PTPRD: variants seen among roughly 807,000 people sequenced by gnomAD.
PTPRD encodes the protein receptor-type tyrosine-protein phosphatase delta.
Under a neutral mutation model 214.5 loss-of-function variants are expected in PTPRD, and 34 were observed. The observed-to-expected ratio is 0.16, with a 90% CI of 0.12 to 0.21. The LOEUF is 0.21. Among genes scored for constraint, PTPRD ranks in the 10% least tolerant of loss-of-function variants. PTPRD has a pLI of 1.00. For synonymous variants in PTPRD, 1,128 were observed against 845.7 expected, an observed-to-expected ratio of 1.33 and a Z score of -5.79; for missense variants, 2,545 against 2,398.7, an observed-to-expected ratio of 1.06 and a Z score of -1.27.
intron 14 of PTPRD, among the ~76,000 whole-genome samples, chr9:8,560,347 C>T (rs2085678931): frequency 6.6e-6 from 1 of 151,066 alleles, no homozygotes; most frequent in Non-Finnish European, 1.5e-5. Context: ...GATAACAAGG[C>T]CAAATGCAAA....
At chr9:9,362,201 A>C (rs186458334) in intron 9 of PTPRD, among the ~76,000 whole-genome samples, 1 of 151,254 alleles carries the variant, frequency 6.6e-6, no homozygotes, top group African/African-American at 2.4e-5. Flanking sequence ...AAGTAAGTAT[A>C]TATTATACAT....
intron 3 of PTPRD, among the ~76,000 whole-genome samples, chr9:10,198,573 A>T (rs904110671): frequency 6.6e-6 from 1 of 152,168 alleles, no homozygotes; most frequent in South Asian, 2.1e-4. Flanking sequence ...AGCAGGATCC[A>T]TTACAGGACT....
At chr9:9,062,586 A>G (rs1326535179) in intron 10 of PTPRD, among the ~76,000 whole-genome samples, 1 of 151,352 alleles carries the variant, frequency 6.6e-6, no homozygotes, top group Non-Finnish European at 1.5e-5. Context: ...CTATCTACCT[A>G]CCTACCATCT....
chr9:10,575,807 C>T (rs7039250), intron 2 of PTPRD, among the ~76,000 whole-genome samples: 2 of 152,062 alleles, frequency 1.3e-5, no homozygotes, highest in Admixed American at 6.6e-5. Flanking sequence ...TCTCCCCAAC[C>T]CTTTCTCTCC....
At chr9:10,324,127 T>C (rs2096602760) in intron 3 of PTPRD, among the ~76,000 whole-genome samples, 1 of 152,050 alleles carries the variant, frequency 6.6e-6, no homozygotes, top group Non-Finnish European at 1.5e-5. Flanking sequence ...TCTCCTGTAA[T>C]TATAAAGTAT....
intron 4 of PTPRD, among the ~76,000 whole-genome samples, chr9:10,024,396 G>C (rs1213767212): frequency 3.3e-5 from 5 of 152,016 alleles, no homozygotes; most frequent in Non-Finnish European, 7.4e-5. Context: ...TGAGAAAATG[G>C]AACCCCTTAT....
chr9:10,490,340 C>G (rs961643388), intron 2 of PTPRD, among the ~76,000 whole-genome samples: 1 of 151,592 alleles, frequency 6.6e-6, no homozygotes, highest in African/African-American at 2.4e-5. Context: ...ATATATTTAC[C>G]AACAATAAGA....
At chr9:8,438,020 C>T (rs2095418911) in intron 34 of PTPRD, among the ~76,000 whole-genome samples, 1 of 152,144 alleles carries the variant, frequency 6.6e-6, no homozygotes. Flanking sequence ...CCTGAACTAG[C>T]ATGTCCCCAG....
intron 9 of PTPRD, among the ~76,000 whole-genome samples, chr9:9,301,485 T>C (rs1007312552): frequency 6.8e-6 from 1 of 146,298 alleles, no homozygotes; most frequent in Non-Finnish European, 1.5e-5. Flanking sequence ...GGGGATACAT[T>C]TCGTTACCTT....
At chr9:10,503,864 C>A (rs1451910475) in intron 2 of PTPRD, among the ~76,000 whole-genome samples, 1 of 151,692 alleles carries the variant, frequency 6.6e-6, no homozygotes, top group Non-Finnish European at 1.5e-5. Context: ...CACCTGTAAT[C>A]CCAGCACTTT....
At chr9:9,003,394 G>A (rs772676996) in intron 11 of PTPRD, among the ~76,000 whole-genome samples, 17 of 151,918 alleles carry the variant, frequency 1.1e-4, no homozygotes, top group Non-Finnish European at 2.1e-4. Context: ...CCCTCTGCTG[G>A]CCCCAACTAT....
Position 8,376,726 on chromosome 9 carries a change from C to T in PTPRD, c.4387G>A (p.Val1463Met), listed in dbSNP as rs1196357775. 6.2e-7 allele frequency: 1 copy of T among 1,612,724 alleles called. No individual in the cohort carries two copies. Among genetic ancestry groups the T allele is most frequent in the Non-Finnish European group, 8.5e-7 (1 of 1,179,134 alleles). ...MMTKLEERSR[V>M]KCDQYWPSRG... Reference sequence around the variant, plus strand: ...CTAGGCCAATACTGGTCACACTTCACCTACAAGAAACAAGTGACACATTCA... The same window carrying T: ...CTAGGCCAATACTGGTCACACTTCATCTACAAGAAACAAGTGACACATTCA... Residue 1463 changes from valine (V) to methionine (M), a missense_variant and splice_region_variant, in exon 38 of 46, where the codon GTG (valine) becomes ATG (methionine). Coordinates refer to ENST00000381196, the MANE Select transcript of PTPRD (RefSeq NM_002839.4).
intron 3 of PTPRD, among the ~76,000 whole-genome samples, chr9:10,040,317 T>G (rs1203531040): frequency 2.0e-5 from 3 of 152,048 alleles, no homozygotes. Context: ...TTTGAATAAA[T>G]GGATAGCCAT....
chr9:10,559,856 G>A (rs1023956302), intron 2 of PTPRD, among the ~76,000 whole-genome samples: 14 of 152,064 alleles, frequency 9.2e-5, no homozygotes, highest in Non-Finnish European at 1.8e-4. Flanking sequence ...AAACCACAAT[G>A]AGATATCATC....
chr9:8,414,704 C>CA (rs1276119339), intron 35 of PTPRD, among the ~76,000 whole-genome samples: 1 of 151,902 alleles, frequency 6.6e-6, no homozygotes, highest in African/African-American at 2.4e-5. Flanking sequence ...TTCTCACTCT[C>CA]AAAGTATCCC....
At chr9:8,644,604 G>T (rs1057411078) in intron 12 of PTPRD, among the ~76,000 whole-genome samples, 9 of 152,206 alleles carry the variant, frequency 5.9e-5, no homozygotes, top group African/African-American at 1.9e-4. Flanking sequence ...ACTCTTTGGG[G>T]CCTAGTGGTT....
At chr9:8,733,617 A>C (rs2098685165) in intron 12 of PTPRD, among the ~76,000 whole-genome samples, 163 bp downstream of exon 12, 1 of 152,208 alleles carries the variant, frequency 6.6e-6, no homozygotes, top group South Asian at 2.1e-4. Context: ...AAGTCACGTC[A>C]ATAATCTCTT....
chr9:9,783,691 TGCCA>T (rs2098886314), intron 5 of PTPRD, among the ~76,000 whole-genome samples: 1 of 152,100 alleles, frequency 6.6e-6, no homozygotes, highest in South Asian at 2.1e-4. Flanking sequence ...TACCTTCTTT[TGCCA>T]GTTCCTCCCC....
chr9:10,467,252 T>C lies in PTPRD; in HGVS notation c.-599-126235A>G, dbSNP rs909600859. Among the ~76,000 whole-genome samples, 21 of 152,240 alleles carry C rather than the reference T, an allele frequency of 1.4e-4. 1 individual carries two copies. Among genetic ancestry groups the C allele is most frequent in the Admixed American group, 1.2e-3 (19 of 15,280 alleles). ...TAGTTGTGGGATGTTAGATCTGGCA[T>C]CTGCCAAAAGGGAATAAACCTGTCA... On this transcript the variant is annotated intron_variant, in intron 2 of 45. Coordinates refer to ENST00000381196, the MANE Select transcript of PTPRD (RefSeq NM_002839.4).
Sources: allele counts gnomAD v4.1 joint callset (sites outside exome capture counted in the v4.1 genomes callset), GRCh38; gene constraint gnomAD v4.1.1; transcripts MANE v1.5; gene names NCBI Gene and HGNC (gene_info 2026-07-23, HGNC 2026-07-21).